ZNF611: variants seen among roughly 807,000 people sequenced by gnomAD.
ZNF611 encodes zinc finger protein 611.
A neutral mutation model predicts 8.9 loss-of-function variants in ZNF611; 6 were observed. That is an observed-to-expected ratio of 0.68 (90% CI 0.37 to 1.34). The LOEUF (loss-of-function observed/expected upper bound fraction) is 1.34. ZNF611 is among the 40% of genes most tolerant of loss of function. ZNF611 has a pLI of 0.02. For synonymous variants in ZNF611, 262 were observed against 279.7 expected (o/e 0.94, Z 0.63); for missense variants, 874 against 841.3 (o/e 1.04, Z -0.48).
rs767922270 is a variant in ZNF611, at chr19:52,706,847, T to C, written c.208A>G (p.Met70Val). 3 of 1,609,486 alleles carry C rather than the reference T, an allele frequency of 1.9e-6. No individual in the cohort carries two copies. Among genetic ancestry groups the C allele is most frequent in the African/African-American group, 1.3e-5 (1 of 74,776 alleles). The change falls in exon 6 of 6, where the codon ATG becomes GTG. Residue 70 changes from methionine (M) to valine (V), a missense_variant. Met to Val is a conservative substitution (Grantham distance 21). Transcript: ENST00000652185. ...LEAVDISSKC[M>V]MKEVLSTGQG... The stretch of plus-strand genomic sequence containing the variant: ...CCTGTTGACAAGACCTCCTTCATCA[T>C]GCATTTGGAAGAGATATCTACAAAA...
chr19:52,731,772 A>T (rs36076322), intron 1 of ZNF611, among the ~76,000 whole-genome samples: 1 of 150,454 alleles, frequency 6.6e-6, no homozygotes, highest in East Asian at 2.0e-4. Flanking sequence ...GGAGTTAGAG[A>T]CCAGCCTGGA....
At chr19:52,725,854 G>A (rs1477464638) in intron 3 of ZNF611, among the ~76,000 whole-genome samples, 5 of 152,022 alleles carry the variant, frequency 3.3e-5, no homozygotes, top group Non-Finnish European at 5.9e-5. Context: ...GCGAGGCGGA[G>A]AGACCTTGCC....
chr19:52,714,697 AACAAAACAAAAC>A (rs1568603640), intron 4 of ZNF611, among the ~76,000 whole-genome samples: 1 of 71,032 alleles, frequency 1.4e-5, no homozygotes, highest in Non-Finnish European at 2.6e-5. Context: ...CAAAAAACAA[AACAAAACAAAAC>A]AAAAAAACAA....
intron 1 of ZNF611, among the ~76,000 whole-genome samples, chr19:52,732,958 T>A (rs1291798725): frequency 1.3e-5 from 2 of 149,182 alleles, no homozygotes; most frequent in Non-Finnish European, 3.0e-5. Context: ...TGTCTCAAAA[T>A]ATTAATTAAT....
intron 3 of ZNF611, among the ~76,000 whole-genome samples, chr19:52,727,434 G>C (rs781426167): frequency 6.6e-6 from 1 of 151,832 alleles, no homozygotes; most frequent in Non-Finnish European, 1.5e-5. Flanking sequence ...CCTCAGGGAA[G>C]AGGACTTGAA....
At chr19:52,733,166 C>G (rs1277180093) in intron 1 of ZNF611, among the ~76,000 whole-genome samples, 2 of 152,082 alleles carry the variant, frequency 1.3e-5, no homozygotes, top group African/African-American at 4.8e-5. Flanking sequence ...CTTATAGATA[C>G]GAATTTTAAA....
intron 3 of ZNF611, among the ~76,000 whole-genome samples, chr19:52,725,781 A>C (rs1168563725): frequency 6.6e-6 from 1 of 152,146 alleles, no homozygotes; most frequent in Non-Finnish European, 1.5e-5. Context: ...CGCAGGACAG[A>C]AGCCAGTCCC....
Position 52,703,205 on chromosome 19 carries a change from A to C in ZNF611, c.*1732T>G, listed in dbSNP as rs938405998. On this transcript the variant is annotated 3_prime_UTR_variant, in exon 6 of 6. Transcript: ENST00000652185. Reference sequence around the variant, plus strand: ...AAATAAATAAATAAAAAATAAAGAGAGAAATGAAGAGGAACCAGAAAGAAA... The same window carrying C: ...AAATAAATAAATAAAAAATAAAGAGCGAAATGAAGAGGAACCAGAAAGAAA... 2 of 152,280 alleles carry C rather than the reference A, an allele frequency of 1.3e-5. No individual in the cohort carries two copies. Among genetic ancestry groups the C allele is most frequent in the South Asian group, 2.1e-4 (1 of 4,830 alleles). 9.4% of individuals were successfully genotyped at this position (152,280 alleles called of 1,614,324 possible).
chr19:52,710,705 C>T (rs143524831), intron 5 of ZNF611, among the ~76,000 whole-genome samples: 1 of 152,186 alleles, frequency 6.6e-6, no homozygotes, highest in African/African-American at 2.4e-5. Context: ...AAGAGTGAGA[C>T]AGGAAAGGGG....
At position 52,705,494 on chromosome 19, in the gene ZNF611, G is replaced by C. The variant is rs901901307; in HGVS notation, c.1561C>G (p.Arg521Gly). ...KCDECEKVFS[R>G]KSSLETHKIG... is the part of the protein sequence containing the mutation. ...TTATGTGTCTCAAGGCTTGATTTAC[G>C]ACTGAAAACCTTTTCACATTCATCA... The change falls in exon 6 of 6, where the codon CGT becomes GGT. Residue 521 changes from arginine to glycine, a missense_variant. Arg to Gly is a moderately radical substitution (Grantham distance 125). Transcript: ENST00000652185. 1 of 1,613,846 alleles carries C rather than the reference G, an allele frequency of 6.2e-7. No homozygotes were observed. The highest frequency in any genetic ancestry group is 1.3e-5 in the African/African-American group (1 of 74,828).
At chr19:52,716,468 A>G (rs2062318061) in intron 3 of ZNF611, among the ~76,000 whole-genome samples, 1 of 152,250 alleles carries the variant, frequency 6.6e-6, no homozygotes, top group East Asian at 1.9e-4. Flanking sequence ...AGCCCAGCAC[A>G]GCCCCATGTT....
Position 52,704,265 on chromosome 19 carries a change from T to C in ZNF611, c.*672A>G, listed in dbSNP as rs201853950. ...TTGATGGTTTGCTATACTCATTTCA[T>C]TGGGAACGGTTATCTCAAAAATGAA... On this transcript the variant is annotated 3_prime_UTR_variant, in exon 6 of 6. Coordinates refer to ENST00000652185, the MANE Select transcript of ZNF611 (RefSeq NM_001161499.2). The C allele has an allele frequency of 9.2e-5, 45 of 491,734 alleles. No individual in the cohort carries two copies. The highest frequency in any genetic ancestry group is 5.2e-4 in the South Asian group (32 of 61,968). 30.5% of individuals were successfully genotyped at this position (491,734 alleles called of 1,614,324 possible).
rs768745056 is a variant in ZNF611 at position 52,705,096 on chromosome 19, T to C, written c.1959A>G (p.Thr653=). 8.1e-6 allele frequency: 13 copies of C among 1,613,702 alleles called. No homozygotes were observed. The highest frequency in any genetic ancestry group is 3.3e-5 in the Admixed American group (2 of 59,956). The change falls in exon 6 of 6, where the codon ACA becomes ACG. Residue 653 remains threonine (T), a synonymous_variant. Coordinates refer to ENST00000652185, the MANE Select transcript of ZNF611 (RefSeq NM_001161499.2). ...TACGCACGAAAGCCTTGTCACAAAT[T>C]GTACATTTGTAAGATTTCTCTCCAG... The part of the protein sequence containing the change: ...LHTGEKSYKC[T]ICDKAFVRNS...
intron 1 of ZNF611, among the ~76,000 whole-genome samples, 171 bp from the exon 2 acceptor site, chr19:52,730,176 G>A (rs2062416507): frequency 2.0e-5 from 3 of 151,988 alleles, no homozygotes; most frequent in South Asian, 4.2e-4. Flanking sequence ...GGCGGATGAC[G>A]AGGTCAGGAG....
intron 3 of ZNF611, among the ~76,000 whole-genome samples, chr19:52,722,905 GTTTTTT>G (rs372056346): frequency 2.6e-4 from 31 of 119,982 alleles, no homozygotes; most frequent in South Asian, 5.8e-4. Context: ...TTTTGTTTTC[GTTTTTT>G]TTTTTTTTTT....
Position 52,705,439 on chromosome 19 carries a change from T to C in ZNF611, c.1616A>G (p.Lys539Arg), listed in dbSNP as rs1377554707. 2 of 1,614,154 alleles carry C rather than the reference T, an allele frequency of 1.2e-6. No homozygotes were observed. The highest frequency in any genetic ancestry group is 3.3e-5 in the Admixed American group (2 of 60,014). The change falls in exon 6 of 6, where the codon AAA becomes AGA. Residue 539 changes from lysine (K) to arginine (R), a missense_variant. By Grantham distance (26) the Lys-to-Arg change is conservative (BLOSUM62 2). Transcript: ENST00000652185. ...AAAAGCCTTGTCACAAACCTTACAT[T>C]TGTATGGTTTCTCTCCAGTATGACC... ...KIGHTGEKPY[K>R]CKVCDKAFAC...
rs528541691 is a variant in ZNF611, at chr19:52,732,747, C to A, written c.-222+2254G>T. 2.7e-5 allele frequency among the ~76,000 whole-genome samples: 4 copies of A among 150,644 alleles called. No individual in the cohort carries two copies. In the South Asian group the frequency reaches 6.3e-4, roughly 24 times the overall value. ...ATCCTTTGAGCCCAGGATTTTGAGA[C>A]CAGCCTAGGAAACATAGTGAAACTC... On this transcript the variant is annotated intron_variant, in intron 1 of 5. Transcript: ENST00000652185.
chr19:52,721,661 G>A lies in ZNF611; in HGVS notation c.-19-5748C>T, dbSNP rs1187569982. On this transcript the variant is annotated intron_variant, in intron 3 of 5. Coordinates refer to ENST00000652185, the MANE Select transcript of ZNF611 (RefSeq NM_001161499.2). ...CCAGCCTCGGCAACAGAGGGAGACC[G>A]TGGAAAGTGAGAGGGGAAAGGGAGA... 4.6e-5 allele frequency among the ~76,000 whole-genome samples: 7 copies of A among 152,098 alleles called. No homozygotes were observed. In the East Asian group the frequency reaches 1.2e-3, roughly 25 times the overall value.
Position 52,720,450 on chromosome 19 carries a change from G to GGC in ZNF611, c.-19-4538_-19-4537insGC, listed in dbSNP as rs1234867906. ...CACTTCCCAGAAGGGGCGGTTGCTGGACAGAGGCGCTCCTCACCTCCCAGA... is the reference window on the plus strand; with the variant it reads ...CACTTCCCAGAAGGGGCGGTTGCTGGGCACAGAGGCGCTCCTCACCTCCCAGA... On this transcript the variant is annotated intron_variant, in intron 3 of 5. Coordinates refer to ENST00000652185, the MANE Select transcript of ZNF611 (RefSeq NM_001161499.2). Among the ~76,000 whole-genome samples the GGC allele has an allele frequency of 6.6e-3, 781 of 118,558 alleles. 289 individuals are homozygous for GGC. Among genetic ancestry groups the GGC allele is most frequent in the East Asian group, 0.011 (46 of 4,226 alleles). The allele number at this position is 118,558 out of a possible 152,430, so 77.8% of individuals were successfully genotyped here.
Sources: allele counts gnomAD v4.1 joint callset (sites outside exome capture counted in the v4.1 genomes callset), GRCh38; gene constraint gnomAD v4.1.1; transcripts MANE v1.5; gene names NCBI Gene and HGNC (gene_info 2026-07-23, HGNC 2026-07-21).